GALNTL6: variants seen among roughly 807,000 people sequenced by gnomAD.
GALNTL6 encodes polypeptide N-acetylgalactosaminyltransferase-like 6.
Under a neutral mutation model 73.7 loss-of-function variants are expected in GALNTL6, and 46 were observed. That is an observed-to-expected ratio of 0.62 (90% CI 0.49 to 0.80). The LOEUF (loss-of-function observed/expected upper bound fraction) is 0.80. Ranked by LOEUF, GALNTL6 falls within the 30% of genes least tolerant of loss-of-function variation. The pLI is 0.00. For synonymous variants in GALNTL6, 259 were observed against 263.7 expected (o/e 0.98, Z 0.17); for missense variants, 604 against 755.0 (o/e 0.80, Z 2.34).
chr4:172,653,461 T>A (rs964075012), intron 5 of GALNTL6, among the ~76,000 whole-genome samples: 2 of 152,122 alleles, frequency 1.3e-5, no homozygotes, highest in African/African-American at 4.8e-5. Context: ...CCTCAGGTGA[T>A]CTGCCCGCCT....
At chr4:171,846,088 G>T (rs1185500717) in intron 2 of GALNTL6, among the ~76,000 whole-genome samples, 2 of 151,976 alleles carry the variant, frequency 1.3e-5, no homozygotes, top group Non-Finnish European at 2.9e-5. Flanking sequence ...CAGATATGAG[G>T]TTCTAAAATT....
At chr4:171,984,755 TG>T in intron 2 of GALNTL6, among the ~76,000 whole-genome samples, 1 of 152,266 alleles carries the variant, frequency 6.6e-6, no homozygotes, top group East Asian at 1.9e-4. Flanking sequence ...CTTAGATTAA[TG>T]GGGGTATTTG....
chr4:172,239,571 T>A (rs1435573513), intron 3 of GALNTL6, among the ~76,000 whole-genome samples: 1 of 152,188 alleles, frequency 6.6e-6, no homozygotes, highest in African/African-American at 2.4e-5. Flanking sequence ...ATTTTTTTTA[T>A]GTCTCAATTT....
chr4:172,069,987 G>A lies in GALNTL6; in HGVS notation c.139-159669G>A, dbSNP rs1731503047. Among the ~76,000 whole-genome samples, 5 of 108,210 alleles carry A rather than the reference G, an allele frequency of 4.6e-5. 2 individuals carry two copies. Among genetic ancestry groups the A allele is most frequent in the African/African-American group, 1.7e-4 (5 of 28,650 alleles). 71.0% of individuals were successfully genotyped at this position (108,210 alleles called of 152,430 possible). A position where few individuals can be genotyped will look rare whatever the true frequency, so the allele number is the denominator to read the frequency against. ...ATAGAAAAAGGGTGAACAGAGCATT[G>A]TATTCTCAATGGGTTGCCTCTCTGG... On this transcript the variant is annotated intron_variant, in intron 2 of 12. Transcript: ENST00000506823.
At chr4:172,525,748 AG>A (rs1734930009) in intron 5 of GALNTL6, among the ~76,000 whole-genome samples, 1 of 152,162 alleles carries the variant, frequency 6.6e-6, no homozygotes, top group Admixed American at 6.6e-5. Context: ...CTGTGGTCCC[AG>A]CTACTTGAGA....
At chr4:172,723,538 T>C (rs1042616290) in intron 5 of GALNTL6, among the ~76,000 whole-genome samples, 4 of 152,328 alleles carry the variant, frequency 2.6e-5, no homozygotes, top group African/African-American at 9.6e-5. Context: ...TTGATCTTTA[T>C]CTTTTTTTAT....
intron 5 of GALNTL6, among the ~76,000 whole-genome samples, chr4:172,553,427 C>T (rs1386081891): frequency 1.3e-5 from 2 of 152,150 alleles, no homozygotes; most frequent in African/African-American, 2.4e-5. Flanking sequence ...TTTAATCCAG[C>T]TGCCAGTTGT....
At position 171,858,392 on chromosome 4, in the gene GALNTL6, C is replaced by A. The variant is rs543346143; in HGVS notation, c.138+43674C>A. Reference sequence around the variant, plus strand: ...TTAATTTTTTTGAAGTAAAAATTTCCAGAAATACTAGGATCTCTCAGCAAG... The same window carrying A: ...TTAATTTTTTTGAAGTAAAAATTTCAAGAAATACTAGGATCTCTCAGCAAG... On this transcript the variant is annotated intron_variant, in intron 2 of 12. Transcript: ENST00000506823. Among the ~76,000 whole-genome samples the A allele has an allele frequency of 2.6e-5, 4 of 151,884 alleles. No individual in the cohort carries two copies. In the East Asian group the frequency reaches 7.7e-4, roughly 29 times the overall value.
At chr4:172,192,771 C>T (rs1374134233) in intron 2 of GALNTL6, among the ~76,000 whole-genome samples, 2 of 152,112 alleles carry the variant, frequency 1.3e-5, no homozygotes, top group African/African-American at 4.8e-5. Flanking sequence ...TTGCAACCAG[C>T]GGCAGCAGGC....
intron 2 of GALNTL6, among the ~76,000 whole-genome samples, chr4:172,135,867 A>G (rs1487433630): frequency 6.6e-6 from 1 of 152,202 alleles, no homozygotes; most frequent in Non-Finnish European, 1.5e-5. Context: ...GAGTACATGC[A>G]TTTGGAAGTT....
intron 3 of GALNTL6, among the ~76,000 whole-genome samples, chr4:172,250,615 C>T (rs1055243610): frequency 3.3e-5 from 5 of 152,148 alleles, no homozygotes; most frequent in Non-Finnish European, 7.3e-5. Flanking sequence ...TCATTCTTCT[C>T]TCTCCTTGCC....
At chr4:172,521,566 T>C (rs971663130) in intron 5 of GALNTL6, among the ~76,000 whole-genome samples, 4 of 152,200 alleles carry the variant, frequency 2.6e-5, no homozygotes, top group Non-Finnish European at 5.9e-5. Context: ...TTTTCTTTAA[T>C]ATTCTACTTT....
chr4:172,648,828 G>A (rs577966009), intron 5 of GALNTL6, among the ~76,000 whole-genome samples: 24 of 152,124 alleles, frequency 1.6e-4, no homozygotes, highest in African/African-American at 4.8e-4. Flanking sequence ...AATTCTCCCT[G>A]GATTAGGTCA....
intron 5 of GALNTL6, among the ~76,000 whole-genome samples, chr4:172,527,800 T>G (rs948592127): frequency 2.1e-4 from 32 of 152,184 alleles, no homozygotes; most frequent in African/African-American, 7.7e-4. Context: ...GTTTCAGGCT[T>G]TTCCATGAGG....
intron 2 of GALNTL6, among the ~76,000 whole-genome samples, chr4:172,167,140 C>T (rs1024905523): frequency 6.6e-6 from 1 of 152,176 alleles, no homozygotes; most frequent in Non-Finnish European, 1.5e-5. Flanking sequence ...TTTAAAACCT[C>T]CTGGTACATA....
intron 2 of GALNTL6, among the ~76,000 whole-genome samples, chr4:172,146,583 T>G (rs1733933665): frequency 6.6e-6 from 1 of 152,232 alleles, no homozygotes; most frequent in East Asian, 1.9e-4. Flanking sequence ...AAGCTGCTCT[T>G]TTATTTTAAT....
At chr4:171,965,655 C>CAGAAAAAAAA (rs1739363560) in intron 2 of GALNTL6, among the ~76,000 whole-genome samples, 1 of 2,352 alleles carries the variant, frequency 4.3e-4, no homozygotes, top group Non-Finnish European at 1.3e-3. Context: ...GACTCCGTCT[C>CAGAAAAAAAA]AGAAAAAAAA....
chr4:171,859,580 G>A (rs529046775), intron 2 of GALNTL6, among the ~76,000 whole-genome samples: 4 of 152,136 alleles, frequency 2.6e-5, no homozygotes, highest in Non-Finnish European at 5.9e-5. Flanking sequence ...AAAGGATACA[G>A]GTTAATATTA....
At chr4:172,981,514 A>T (rs1751061840) in intron 10 of GALNTL6, among the ~76,000 whole-genome samples, 1 of 152,138 alleles carries the variant, frequency 6.6e-6, no homozygotes, top group Non-Finnish European at 1.5e-5. Flanking sequence ...TCTTCTTTGG[A>T]GAGATGTCTA....
Sources: gnomAD v4.1 joint callset for allele counts (sites outside exome capture counted in the v4.1 genomes callset) on GRCh38, gnomAD v4.1.1 for gene constraint, MANE v1.5 for transcripts, NCBI Gene and HGNC (gene_info 2026-07-23, HGNC 2026-07-21) for gene names.